The following MYH10 variants were observed in gnomAD, a reference collection of about 807,000 sequenced individuals.
MYH10 encodes the protein myosin heavy chain 10.
MYH10 carries 55 observed loss-of-function variants against 257.8 expected under a neutral mutation model. That is an observed-to-expected ratio of 0.21 (90% CI 0.17 to 0.27). The LOEUF is 0.27. Ranked by LOEUF, MYH10 falls within the 10% of genes least tolerant of loss-of-function variation. The pLI is 1.00. For synonymous variants in MYH10, 854 were observed against 921.7 expected (o/e 0.93, Z 1.33); for missense variants, 1,631 against 2,500.6 (o/e 0.65, Z 7.42).
At position 8,545,423 on chromosome 17, in the gene MYH10, G is replaced by C; in HGVS notation, c.1431+25C>G. Reference sequence around the variant, plus strand: ...AAAGAACAAACAAAAAGAAGGACGAGCTAGAGGAAGAGGGGGAAGAATACC... The same window carrying C: ...AAAGAACAAACAAAAAGAAGGACGACCTAGAGGAAGAGGGGGAAGAATACC... On this transcript the variant is annotated intron_variant, in intron 13 of 42. Coordinates refer to ENST00000360416, the MANE Select transcript of MYH10 (RefSeq NM_001256012.3). The surrounding 1 kb of genome is among the most constrained non-coding windows in gnomAD (Gnocchi z 4.7). 1 of 1,611,318 alleles carries C rather than the reference G, an allele frequency of 6.2e-7. No individual in the cohort carries two copies. The highest frequency in any genetic ancestry group is 8.5e-7 in the Non-Finnish European group (1 of 1,178,750).
chr17:8,497,462 G>A lies in MYH10; in HGVS notation c.3951+1808C>T, dbSNP rs372729333. On this transcript the variant is annotated intron_variant, in intron 30 of 42. Coordinates refer to ENST00000360416, the MANE Select transcript of MYH10 (RefSeq NM_001256012.3). ...TATTAAAAATATTCAGAAAAGGGCC[G>A]GGCGCGGTGGCTCATGCCTGTAATC... Among the ~76,000 whole-genome samples, 75 of 151,372 alleles carry A rather than the reference G, an allele frequency of 5.0e-4. No individual in the cohort carries two copies. The South Asian group carries it at 6.5e-3, about 13-fold the overall frequency.
intron 2 of MYH10, among the ~76,000 whole-genome samples, chr17:8,618,265 T>G (rs1390447402): frequency 6.6e-6 from 1 of 151,532 alleles, no homozygotes; most frequent in Non-Finnish European, 1.5e-5. Flanking sequence ...TTTTTTTTTT[T>G]GAGATGGAGT....
chr17:8,593,863 GAACT>G (rs1197415092), intron 3 of MYH10, among the ~76,000 whole-genome samples: 1 of 152,048 alleles, frequency 6.6e-6, no homozygotes, highest in Non-Finnish European at 1.5e-5. Context: ...AAAGACAAAG[GAACT>G]AAAATAAAGA....
chr17:8,521,455 C>T (rs2081653854), intron 17 of MYH10, 170 bp from the exon 18 acceptor site: 1 of 641,076 alleles, frequency 1.6e-6, no homozygotes, highest in East Asian at 2.7e-5. Flanking sequence ...CGGGAACTAA[C>T]AGCCACACAC....
Position 8,477,070 on chromosome 17 carries a change from AAAAC to A in MYH10, c.5707-26_5707-23del. 1 of 1,612,846 alleles carries A rather than the reference AAAAC, an allele frequency of 6.2e-7. No homozygotes were observed. ...CCATCTTGGGGAGGGTACATGAACCAAAACAAACCAAACTGGTGAATCCAGTGTC... is the reference window on the plus strand; with the variant it reads ...CCATCTTGGGGAGGGTACATGAACCAAAACCAAACTGGTGAATCCAGTGTC... On this transcript the variant is annotated intron_variant, in intron 41 of 42. Coordinates refer to ENST00000360416, the MANE Select transcript of MYH10 (RefSeq NM_001256012.3). The surrounding 1 kb of genome is among the most constrained non-coding windows in gnomAD (Gnocchi z 4.2).
In MYH10 at chr17:8,477,112, C is replaced by A; in HGVS notation, c.5707-64G>T. 1.3e-6 allele frequency: 2 copies of A among 1,583,002 alleles called. No homozygotes were observed. The highest frequency in any genetic ancestry group is 8.6e-7 in the Non-Finnish European group (1 of 1,159,620). ...TGAATCCAGTGTCGGCCTCTCTGTA[C>A]CCCGAGCGTGGCAGTGTGGGGCTCT... On this transcript the variant is annotated intron_variant, in intron 41 of 42. Coordinates refer to ENST00000360416, the MANE Select transcript of MYH10 (RefSeq NM_001256012.3). The surrounding 1 kb of genome is among the most constrained non-coding windows in gnomAD (Gnocchi z 4.2).
intron 3 of MYH10, among the ~76,000 whole-genome samples, chr17:8,595,528 G>T (rs769662200): frequency 1.3e-4 from 19 of 149,092 alleles, no homozygotes; most frequent in Non-Finnish European, 2.4e-4. Context: ...CGCCTCCCGG[G>T]TTCAAGCGAT....
At chr17:8,514,923 C>G (rs1369975464) in intron 21 of MYH10, among the ~76,000 whole-genome samples, 1 of 152,182 alleles carries the variant, frequency 6.6e-6, no homozygotes, top group Admixed American at 6.5e-5. Flanking sequence ...TACTGGACAT[C>G]TCATCCCTGC....
In MYH10 at chr17:8,477,418, A is replaced by G. The variant is rs1912865707; in HGVS notation, c.5707-370T>C. Among the ~76,000 whole-genome samples, 1 of 152,186 alleles carries G rather than the reference A, an allele frequency of 6.6e-6. No homozygotes were observed. The highest frequency in any genetic ancestry group is 2.4e-5 in the African/African-American group (1 of 41,450). On this transcript the variant is annotated intron_variant, in intron 41 of 42. Transcript: ENST00000360416. The surrounding 1 kb of genome is among the most constrained non-coding windows in gnomAD (Gnocchi z 4.2). ...GAACCAGCAATGTGGGACAATCCCC[A>G]GCCCAGAAGATGGTACAATGCATCT...
Position 8,586,105 on chromosome 17 carries a change from G to A in MYH10, c.530+2976C>T, listed in dbSNP as rs185757388. 1.8e-3 allele frequency among the ~76,000 whole-genome samples: 277 copies of A among 152,254 alleles called. 4 individuals are homozygous for A. Among genetic ancestry groups the A allele is most frequent in the African/African-American group, 6.5e-3 (271 of 41,550 alleles). ...GAGGTTCCCAGATTGAGAAAAGCAT[G>A]CCCTTTAGCACCGAACAGAGTGAAC... On this transcript the variant is annotated intron_variant, in intron 4 of 42. Transcript: ENST00000360416.
chr17:8,551,550 A>G (rs900054680), intron 9 of MYH10, among the ~76,000 whole-genome samples: 3 of 152,324 alleles, frequency 2.0e-5, no homozygotes, highest in African/African-American at 7.2e-5. Flanking sequence ...ATTCTGACCC[A>G]GACCTGAGCT....
At chr17:8,532,933 T>G (rs1331588910) in intron 16 of MYH10, among the ~76,000 whole-genome samples, 1 of 152,116 alleles carries the variant, frequency 6.6e-6, no homozygotes, top group Non-Finnish European at 1.5e-5. Context: ...TAAAAAAGGG[T>G]TCATAGTGTC....
chr17:8,485,869 C>T (rs1363335169), intron 36 of MYH10, among the ~76,000 whole-genome samples: 1 of 152,144 alleles, frequency 6.6e-6, no homozygotes, highest in Non-Finnish European at 1.5e-5. Flanking sequence ...CACACAAATG[C>T]ATATGAATGT....
At chr17:8,604,244 T>C (rs1179651897) in intron 3 of MYH10, among the ~76,000 whole-genome samples, 2 of 152,180 alleles carry the variant, frequency 1.3e-5, no homozygotes, top group African/African-American at 4.8e-5. Flanking sequence ...GCAATAATAT[T>C]AATTGCATTC....
At chr17:8,518,824 A>G (rs1344468640) in intron 20 of MYH10, 33 bp from the exon 21 acceptor site, 1 of 1,600,662 alleles carries the variant, frequency 6.2e-7, no homozygotes, top group Non-Finnish European at 8.5e-7. Flanking sequence ...ACTTTTTTTA[A>G]CTACAAGAAA....
At chr17:8,616,099 C>T (rs370304840) in intron 2 of MYH10, among the ~76,000 whole-genome samples, 5 of 152,268 alleles carry the variant, frequency 3.3e-5, no homozygotes, top group Middle Eastern at 3.4e-3. Flanking sequence ...GCCTGGGCAA[C>T]ATGGCGAAAC....
intron 1 of MYH10, among the ~76,000 whole-genome samples, chr17:8,628,685 T>C: frequency 6.6e-6 from 1 of 152,358 alleles, no homozygotes; most frequent in East Asian, 1.9e-4. Context: ...ACTTATGGCC[T>C]GCCCCATCTC....
At chr17:8,570,482 C>T (rs558886251) in intron 6 of MYH10, among the ~76,000 whole-genome samples, 3 of 152,266 alleles carry the variant, frequency 2.0e-5, no homozygotes, top group East Asian at 3.9e-4. Context: ...TATATTAATA[C>T]GTACTTTAAT....
intron 14 of MYH10, among the ~76,000 whole-genome samples, chr17:8,538,693 T>C (rs1295043531): frequency 3.3e-5 from 5 of 152,286 alleles, no homozygotes; most frequent in African/African-American, 1.2e-4. Context: ...AGGAAGAGCC[T>C]AGAAGTGCCA....
Sources: allele counts gnomAD v4.1 joint callset (sites outside exome capture counted in the v4.1 genomes callset), GRCh38; gene constraint gnomAD v4.1.1; non-coding constraint Gnocchi (gnomAD v3.1); transcripts MANE v1.5; gene names NCBI Gene and HGNC (gene_info 2026-07-23, HGNC 2026-07-21).